Variants in RBFOX2 observed in about 807,000 individuals in gnomAD.
RBFOX2 encodes RNA binding protein fox-1 homolog 2.
Under a neutral mutation model 49.1 loss-of-function variants are expected in RBFOX2, and 10 were observed. The observed-to-expected ratio is 0.20, with a 90% CI of 0.13 to 0.35. The LOEUF (loss-of-function observed/expected upper bound fraction) is 0.35. Ranked by LOEUF, RBFOX2 falls within the 10% of genes least tolerant of loss-of-function variation. RBFOX2 has a pLI of 1.00. For missense variants in RBFOX2, 323 were observed against 486.9 expected (o/e 0.66, Z 3.17); for synonymous variants, 183 against 187.4 (o/e 0.98, Z 0.19).
intron 1 of RBFOX2, among the ~76,000 whole-genome samples, chr22:35,982,205 CA>C (rs1389533850): frequency 6.6e-6 from 1 of 152,122 alleles, no homozygotes; most frequent in Non-Finnish European, 1.5e-5. Context: ...CTTTTGAACA[CA>C]AAAGACCGAA....
chr22:35,969,564 A>C (rs1049364391), intron 1 of RBFOX2, among the ~76,000 whole-genome samples: 4 of 152,042 alleles, frequency 2.6e-5, no homozygotes, highest in Non-Finnish European at 5.9e-5. Flanking sequence ...ACAGAGGGAA[A>C]CTTTGTCTCA....
chr22:35,795,995 C>T (rs1948721214), intron 2 of RBFOX2, among the ~76,000 whole-genome samples: 1 of 152,114 alleles, frequency 6.6e-6, no homozygotes, highest in Non-Finnish European at 1.5e-5. Flanking sequence ...CTTAAAAAAA[C>T]TTCTTAATTT....
intron 1 of RBFOX2, among the ~76,000 whole-genome samples, chr22:35,974,184 CAATCAAAACTCTTGGCCCT>C (rs2057027183): frequency 6.6e-6 from 1 of 152,180 alleles, no homozygotes; most frequent in South Asian, 2.1e-4. Context: ...TAGAAGGAGC[CAATCAAAACTCTTGGCCCT>C]GCCAAAGAAT....
At chr22:36,007,843 G>A (rs1211385931) in intron 1 of RBFOX2, among the ~76,000 whole-genome samples, 7 of 152,104 alleles carry the variant, frequency 4.6e-5, no homozygotes, top group Non-Finnish European at 1.0e-4. Context: ...ATACAGAGCT[G>A]CCTAATTAAT....
intron 1 of RBFOX2, among the ~76,000 whole-genome samples, chr22:35,909,876 G>A (rs1196796924): frequency 6.6e-6 from 1 of 152,186 alleles, no homozygotes; most frequent in African/African-American, 2.4e-5. Context: ...GCCTCCCAAA[G>A]TGCTGGGATT....
chr22:35,943,201 T>C (rs572534845), upstream of RBFOX2, among the ~76,000 whole-genome samples: 52 of 152,308 alleles, frequency 3.4e-4, no homozygotes, highest in South Asian at 3.1e-3. Context: ...TGGGAAAGAT[T>C]TGCCTCGTCT....
At chr22:35,928,087 T>C (rs560821077) in intron 1 of RBFOX2, among the ~76,000 whole-genome samples, 409 of 152,276 alleles carry the variant, frequency 2.7e-3, no homozygotes, top group Non-Finnish European at 4.2e-3. Context: ...TCTAATACTG[T>C]AACAACCTTT....
chr22:35,916,920 C>A (rs2050490771), intron 1 of RBFOX2, among the ~76,000 whole-genome samples: 1 of 151,152 alleles, frequency 6.6e-6, no homozygotes, highest in Non-Finnish European at 1.5e-5. Flanking sequence ...ATGGTATGTG[C>A]ATATGTGCAT....
chr22:35,784,290 T>A (rs1194524226), intron 2 of RBFOX2, among the ~76,000 whole-genome samples: 2 of 152,000 alleles, frequency 1.3e-5, no homozygotes, highest in Non-Finnish European at 2.9e-5. Context: ...ACAAAAATGA[T>A]CTCATTAGGC....
intron 4 of RBFOX2, among the ~76,000 whole-genome samples, chr22:35,769,007 A>G (rs1346480457): frequency 6.6e-6 from 1 of 152,234 alleles, no homozygotes; most frequent in Admixed American, 6.5e-5. Flanking sequence ...GCAAATAAAA[A>G]TATCACTAAG....
chr22:35,802,029 T>C (rs1035395184), intron 2 of RBFOX2, among the ~76,000 whole-genome samples: 2 of 152,184 alleles, frequency 1.3e-5, no homozygotes, highest in African/African-American at 4.8e-5. Context: ...TCTATACATA[T>C]GGGTTATCTC....
At chr22:35,869,311 C>T (rs2044062047) in intron 1 of RBFOX2, among the ~76,000 whole-genome samples, 1 of 151,876 alleles carries the variant, frequency 6.6e-6, no homozygotes, top group South Asian at 2.1e-4. Context: ...GCACCCACCG[C>T]CACGCCTGGC....
chr22:35,937,581 GT>G (rs1156804148), intron 1 of RBFOX2, among the ~76,000 whole-genome samples: 5 of 151,934 alleles, frequency 3.3e-5, no homozygotes, highest in African/African-American at 1.2e-4. Flanking sequence ...TGTAGTTGTT[GT>G]TTTTGTTTGT....
intron 2 of RBFOX2, among the ~76,000 whole-genome samples, chr22:35,793,415 T>C (rs1317636646): frequency 1.3e-5 from 2 of 152,124 alleles, no homozygotes; most frequent in Non-Finnish European, 2.9e-5. Flanking sequence ...TACGATGGAG[T>C]TCCTGATGGG....
intron 1 of RBFOX2, among the ~76,000 whole-genome samples, chr22:35,914,698 T>C (rs2050206165): frequency 6.6e-6 from 1 of 152,186 alleles, no homozygotes; most frequent in Non-Finnish European, 1.5e-5. Context: ...GGCACTGAAA[T>C]CCATTCCTCT....
chr22:35,800,547 T>C (rs1021470192), intron 2 of RBFOX2, among the ~76,000 whole-genome samples: 1 of 152,196 alleles, frequency 6.6e-6, no homozygotes, highest in African/African-American at 2.4e-5. Flanking sequence ...TTCAACTTTG[T>C]ATTGAGAACT....
upstream of RBFOX2, among the ~76,000 whole-genome samples, chr22:35,964,416 C>T (rs748860818): frequency 3.3e-5 from 5 of 152,108 alleles, no homozygotes; most frequent in African/African-American, 4.8e-5. Flanking sequence ...TCTGGACAAA[C>T]GGCAATGATT....
chr22:35,760,121 AT>A, intron 8 of RBFOX2, 101 bp from the exon 10 acceptor site: 1 of 1,483,140 alleles, frequency 6.7e-7, no homozygotes. Flanking sequence ...AGATGGAAAG[AT>A]ACGAACCACA....
rs561207343 is a variant in RBFOX2, at chr22:35,749,530, CACAT to C, written c.888-2973_888-2970del. Among the ~76,000 whole-genome samples the C allele has an allele frequency of 2.2e-3, 329 of 152,290 alleles. 1 individual carries two copies. The highest frequency in any genetic ancestry group is 3.6e-3 in the Non-Finnish European group (248 of 68,024). On this transcript the variant is annotated intron_variant, in intron 9 of 11. Transcript: ENST00000405409. The surrounding 1 kb of genome is among the most constrained non-coding windows in gnomAD (Gnocchi z 4.1). Reference sequence around the variant, plus strand: ...TCTTACACACACACACGCACACACACACATACACTTACTCGAAAGTATTTTTGCT... The same window carrying C: ...TCTTACACACACACACGCACACACACACACTTACTCGAAAGTATTTTTGCT...
Sources: gnomAD v4.1 joint callset for allele counts (sites outside exome capture counted in the v4.1 genomes callset) on GRCh38, gnomAD v4.1.1 for gene constraint, Gnocchi (gnomAD v3.1) non-coding constraint, MANE v1.5 for transcripts, NCBI Gene and HGNC (gene_info 2026-07-23, HGNC 2026-07-21) for gene names.